The following PROM1 variants were observed in gnomAD, a reference collection of about 807,000 sequenced individuals.
PROM1 encodes the protein prominin-1.
PROM1 carries 105 observed loss-of-function variants against 116.9 expected under a neutral mutation model. That is an observed-to-expected ratio of 0.90 (90% CI 0.77 to 1.06). The LOEUF is 1.06. PROM1 is among the 50% of genes least tolerant of loss of function. The pLI, the probability that PROM1 is intolerant of heterozygous loss-of-function variation, is 0.00. For missense variants in PROM1, 1,122 were observed against 1,045.2 expected, an observed-to-expected ratio of 1.07 and a Z score of -1.01; for synonymous variants, 393 against 387.0, an observed-to-expected ratio of 1.02 and a Z score of -0.18.
chr4:16,000,352 T>C (rs1337603521), intron 14 of PROM1, 144 bp downstream of exon 14: 4 of 673,586 alleles, frequency 5.9e-6, no homozygotes, highest in Non-Finnish European at 8.5e-6. Flanking sequence ...TGAAAATTTA[T>C]TGAATTTAAT....
chr4:16,005,276 T>C lies in PROM1; in HGVS notation c.1454+1262A>G, dbSNP rs138136414. ...TCGTGCCCAGACAAATATAATTTCT[T>C]AAGCTTTGGCCTGTGAGCATCTAAG... On this transcript the variant is annotated intron_variant, in intron 13 of 27. Coordinates refer to ENST00000447510, the MANE Select transcript of PROM1 (RefSeq NM_006017.3). Among the ~76,000 whole-genome samples the C allele has an allele frequency of 1.6e-3, 246 of 152,318 alleles. 4 individuals carry two copies. The highest frequency in any genetic ancestry group is 5.7e-3 in the African/African-American group (238 of 41,578).
intron 24 of PROM1, 124 bp downstream of exon 24, chr4:15,980,298 A>G: frequency 3.0e-6 from 2 of 670,734 alleles, no homozygotes; most frequent in Middle Eastern, 2.4e-4. Flanking sequence ...TGACCCAACT[A>G]CTACTAAAAA....
chr4:16,002,892 G>A (rs1354649114), intron 13 of PROM1, among the ~76,000 whole-genome samples: 2 of 152,180 alleles, frequency 1.3e-5, no homozygotes, highest in Admixed American at 1.3e-4. Context: ...AGGTTAGTGA[G>A]ATAATGGCTA....
At chr4:15,973,186 C>T (rs188820272) in intron 26 of PROM1, among the ~76,000 whole-genome samples, 5 of 152,292 alleles carry the variant, frequency 3.3e-5, no homozygotes, top group Admixed American at 2.0e-4. Context: ...TCTGGCCAAG[C>T]GCAGTGGCTC....
chr4:15,968,744 C>A lies in PROM1; in HGVS notation c.*649G>T, dbSNP rs1298926082. 9 of 152,142 alleles carry A rather than the reference C, an allele frequency of 5.9e-5. No homozygotes were observed. Among genetic ancestry groups the A allele is most frequent in the African/African-American group, 9.7e-5 (4 of 41,434 alleles). 9.4% of individuals were successfully genotyped at this position (152,142 alleles called of 1,614,324 possible). A position where few individuals can be genotyped will look rare whatever the true frequency, so the allele number is the denominator to read the frequency against. On this transcript the variant is annotated 3_prime_UTR_variant, in exon 28 of 28. Transcript: ENST00000447510. ...CTATGATTGCTTTTGCATGCCATTT[C>A]CAAGTGGAACATGGCCAATCTTTGA... is the stretch of plus-strand genomic sequence containing the variant.
chr4:16,064,100 G>A (rs4698445), intron 2 of PROM1, among the ~76,000 whole-genome samples: 13,008 of 152,136 alleles, frequency 0.086, 883 homozygotes, highest in Admixed American at 0.18. Context: ...ATACCCCATC[G>A]TGCAGCAATT....
At chr4:16,004,829 TTTTCTTC>T (rs1560459958) in intron 13 of PROM1, among the ~76,000 whole-genome samples, 366 of 90,158 alleles carry the variant, frequency 4.1e-3, no homozygotes, top group African/African-American at 5.0e-3. Flanking sequence ...CTTTCTTTCT[TTTTCTTC>T]CTTCCTTCCT....
At chr4:16,047,499 C>T (rs962186375) in intron 2 of PROM1, among the ~76,000 whole-genome samples, 4 of 152,120 alleles carry the variant, frequency 2.6e-5, no homozygotes, top group African/African-American at 7.2e-5. Context: ...GCCACCATGC[C>T]GGGCAGGTAC....
intron 2 of PROM1, among the ~76,000 whole-genome samples, chr4:16,051,052 T>C (rs1387637399): frequency 2.6e-5 from 4 of 152,058 alleles, no homozygotes; most frequent in Non-Finnish European, 5.9e-5. Flanking sequence ...GCTGGCTAGG[T>C]TGGGAGAGTT....
At chr4:15,975,962 C>T (rs565129673) in intron 26 of PROM1, among the ~76,000 whole-genome samples, 2 of 152,304 alleles carry the variant, frequency 1.3e-5, no homozygotes, top group East Asian at 1.9e-4. Flanking sequence ...TACTATAGAA[C>T]ACAGAATATA....
intron 12 of PROM1, among the ~76,000 whole-genome samples, chr4:16,007,555 G>C (rs1242153836): frequency 6.6e-6 from 1 of 152,228 alleles, no homozygotes; most frequent in African/African-American, 2.4e-5. Flanking sequence ...GCCATTCTGG[G>C]GAGGTTTGTT....
At chr4:16,034,006 CT>C (rs1733410307) in intron 4 of PROM1, among the ~76,000 whole-genome samples, 1 of 151,920 alleles carries the variant, frequency 6.6e-6, no homozygotes, top group Non-Finnish European at 1.5e-5. Context: ...CAAGTGGTTA[CT>C]GGAAGATGTC....
intron 5 of PROM1, among the ~76,000 whole-genome samples, chr4:16,029,727 T>C (rs1732214954): frequency 6.6e-6 from 1 of 152,216 alleles, no homozygotes; most frequent in Non-Finnish European, 1.5e-5. Flanking sequence ...GAAAACCAAC[T>C]GCATTTAATT....
At chr4:16,030,330 A>C (rs1732358554) in intron 5 of PROM1, among the ~76,000 whole-genome samples, 1 of 152,194 alleles carries the variant, frequency 6.6e-6, no homozygotes, top group Non-Finnish European at 1.5e-5. Context: ...ATGAAATCAA[A>C]TTAGTTTTAG....
chr4:16,060,820 A>G (rs977534992), intron 2 of PROM1, among the ~76,000 whole-genome samples: 1 of 152,266 alleles, frequency 6.6e-6, no homozygotes, highest in African/African-American at 2.4e-5. Flanking sequence ...AATTTAGAAT[A>G]AACTTAGTTT....
chr4:16,006,191 T>C (rs571723416), intron 13 of PROM1, among the ~76,000 whole-genome samples: 2 of 152,310 alleles, frequency 1.3e-5, no homozygotes, highest in South Asian at 4.1e-4. Flanking sequence ...AATGAATGAA[T>C]GAATGAATGA....
At chr4:15,986,846 T>C (rs1454528402) in intron 20 of PROM1, among the ~76,000 whole-genome samples, 2 of 152,232 alleles carry the variant, frequency 1.3e-5, no homozygotes, top group Non-Finnish European at 2.9e-5. Flanking sequence ...CATTTAGTTT[T>C]ATCCTGTGGG....
At position 15,989,790 on chromosome 4, in the gene PROM1, T is replaced by A. The variant is rs1720515952; in HGVS notation, c.2018A>T (p.Asp673Val). The A allele has an allele frequency of 1.2e-6, 2 of 1,609,494 alleles. No individual in the cohort carries two copies. Among genetic ancestry groups the A allele is most frequent in the Admixed American group, 1.7e-5 (1 of 59,470 alleles). ...PGNLRNSLKR[D>V]AQTIKTIHQQ... ...GTGAATTGTTTTAATAGTTTGTGCA[T>A]CTCTTTTCAGGGAGTTCCTCAAATT... Residue 673 changes from aspartate (D) to valine (V), a missense_variant, in exon 19 of 28, where the codon GAT becomes GTT. Transcript: ENST00000447510.
intron 13 of PROM1, among the ~76,000 whole-genome samples, chr4:16,002,670 G>A (rs1366864301): frequency 1.3e-5 from 2 of 151,966 alleles, no homozygotes; most frequent in Non-Finnish European, 2.9e-5. Flanking sequence ...CAAAGAAGAA[G>A]TGAGTGAGGG....
Sources: gnomAD v4.1 joint callset for allele counts (sites outside exome capture counted in the v4.1 genomes callset) on GRCh38, gnomAD v4.1.1 for gene constraint, MANE v1.5 for transcripts, NCBI Gene and HGNC (gene_info 2026-07-23, HGNC 2026-07-21) for gene names.